PBX3: variants seen among roughly 807,000 people sequenced by gnomAD.
The protein encoded by PBX3 is PBX homeobox 3.
Under a neutral mutation model 48.5 loss-of-function variants are expected in PBX3, and 14 were observed. The observed-to-expected ratio is 0.29, with a 90% CI of 0.19 to 0.45. The LOEUF (loss-of-function observed/expected upper bound fraction) is 0.45. Ranked by LOEUF, PBX3 falls within the 20% of genes least tolerant of loss-of-function variation. The probability of loss-of-function intolerance (pLI) is 1.00; values close to 1 mark genes in which losing one functional copy is unlikely to be tolerated. For synonymous variants in PBX3, 210 were observed against 200.3 expected (o/e 1.05, Z -0.41); for missense variants, 386 against 546.7 (o/e 0.71, Z 2.93).
At chr9:125,831,027 C>G (rs536254129) in intron 2 of PBX3, among the ~76,000 whole-genome samples, 59 of 152,288 alleles carry the variant, frequency 3.9e-4, no homozygotes, top group African/African-American at 1.3e-3. Context: ...TCCTGCCCCC[C>G]ACCTGTCCTT....
At chr9:125,750,597 C>T (rs1480999422) in intron 2 of PBX3, among the ~76,000 whole-genome samples, 1 of 152,190 alleles carries the variant, frequency 6.6e-6, no homozygotes, top group East Asian at 1.9e-4. Flanking sequence ...ATTTAAAAAC[C>T]AAGAGGCAGC....
chr9:125,851,857 A>C (rs1259170584), intron 2 of PBX3, among the ~76,000 whole-genome samples: 1 of 148,620 alleles, frequency 6.7e-6, no homozygotes, highest in Non-Finnish European at 1.5e-5. Flanking sequence ...GAGAATTCAA[A>C]AAATTTTTGC....
At chr9:125,950,070 T>G (rs1182801391) in intron 5 of PBX3, among the ~76,000 whole-genome samples, 1 of 152,148 alleles carries the variant, frequency 6.6e-6, no homozygotes, top group Non-Finnish European at 1.5e-5. Flanking sequence ...AAAAATAATT[T>G]TAAAGAAAAA....
intron 3 of PBX3, among the ~76,000 whole-genome samples, chr9:125,916,438 A>G (rs760067354): frequency 1.1e-4 from 16 of 151,894 alleles, no homozygotes; most frequent in Non-Finnish European, 1.9e-4. Context: ...TGAGTATGAG[A>G]CCTCCCAAGA....
At chr9:125,763,680 A>G (rs1836728773) in intron 2 of PBX3, among the ~76,000 whole-genome samples, 1 of 152,214 alleles carries the variant, frequency 6.6e-6, no homozygotes, top group African/African-American at 2.4e-5. Context: ...GATGTTTGGG[A>G]TGACAGAAAT....
rs79223975 is a variant in PBX3, at chr9:125,801,089, G to A, written c.274+52466G>A. 5.9e-5 allele frequency among the ~76,000 whole-genome samples: 9 copies of A among 152,190 alleles called. No individual in the cohort carries two copies. In the East Asian group the frequency reaches 9.6e-4, roughly 16 times the overall value. On this transcript the variant is annotated intron_variant, in intron 2 of 8. Coordinates refer to ENST00000373489, the MANE Select transcript of PBX3 (RefSeq NM_006195.6). ...TATTTGAAGTTATTCTGTATCTCCA[G>A]TGTTGGCATATGCTAGACATTCAAT...
At chr9:125,753,644 AT>A (rs1328349470) in intron 2 of PBX3, among the ~76,000 whole-genome samples, 2 of 151,892 alleles carry the variant, frequency 1.3e-5, no homozygotes, top group Non-Finnish European at 2.9e-5. Context: ...CCCTCATTTT[AT>A]TACAGATTTG....
At chr9:125,889,517 TTGA>T (rs1439884097) in intron 2 of PBX3, among the ~76,000 whole-genome samples, 4 of 152,232 alleles carry the variant, frequency 2.6e-5, no homozygotes, top group Non-Finnish European at 5.9e-5. Context: ...CTCAGTCACC[TTGA>T]TGAAACAATC....
intron 2 of PBX3, among the ~76,000 whole-genome samples, chr9:125,882,054 TAATAA>T (rs2132353421): frequency 1.3e-5 from 2 of 151,478 alleles, no homozygotes; most frequent in South Asian, 2.1e-4. Flanking sequence ...AATAAATAAA[TAATAA>T]AATAAAAATA....
chr9:125,799,941 C>T (rs1837889676), intron 2 of PBX3, among the ~76,000 whole-genome samples: 1 of 152,036 alleles, frequency 6.6e-6, no homozygotes. Flanking sequence ...TCTTGATTTC[C>T]TCTTGGGAGG....
intron 3 of PBX3, among the ~76,000 whole-genome samples, chr9:125,918,418 A>G (rs1462487933): frequency 6.6e-6 from 1 of 152,126 alleles, no homozygotes; most frequent in African/African-American, 2.4e-5. Flanking sequence ...ATATACATGT[A>G]TATGCATGTT....
At chr9:125,925,125 A>G (rs1455553594) in intron 3 of PBX3, among the ~76,000 whole-genome samples, 1 of 152,252 alleles carries the variant, frequency 6.6e-6, no homozygotes, top group Non-Finnish European at 1.5e-5. Context: ...TGAATAATTG[A>G]TATTGCTTCA....
At chr9:125,874,207 A>G (rs1332154178) in intron 2 of PBX3, among the ~76,000 whole-genome samples, 2 of 151,942 alleles carry the variant, frequency 1.3e-5, no homozygotes, top group African/African-American at 4.9e-5. Flanking sequence ...AGTTTAAAAT[A>G]TTGCCATAAA....
chr9:125,893,434 G>A (rs1164547280), intron 2 of PBX3, among the ~76,000 whole-genome samples: 2 of 152,162 alleles, frequency 1.3e-5, no homozygotes, highest in Non-Finnish European at 2.9e-5. Flanking sequence ...ACTCTTTGGA[G>A]TACTACTGGG....
rs981075587 is a variant in PBX3 at position 125,781,572 on chromosome 9, G to C, written c.274+32949G>C. 0.012 allele frequency among the ~76,000 whole-genome samples: 1,736 copies of C among 146,596 alleles called. 76 individuals carry two copies. In the East Asian group the frequency reaches 0.12, roughly 10 times the overall value. ...GAGGGGAGAGGGGAGAGGCGAGAGG[G>C]GAGAGGGGAGAGGCGAGAGGCGAGA... On this transcript the variant is annotated intron_variant, in intron 2 of 8. Transcript: ENST00000373489.
At chr9:125,776,283 T>C (rs1056696721) in intron 2 of PBX3, among the ~76,000 whole-genome samples, 2 of 152,226 alleles carry the variant, frequency 1.3e-5, no homozygotes, top group African/African-American at 4.8e-5. Context: ...TCTAGTTTTC[T>C]GAGTGTTTTT....
intron 5 of PBX3, among the ~76,000 whole-genome samples, chr9:125,954,894 G>A (rs1287750634): frequency 6.6e-6 from 1 of 151,956 alleles, no homozygotes; most frequent in African/African-American, 2.4e-5. Context: ...ATATTTGGTT[G>A]GATACATTTT....
intron 2 of PBX3, among the ~76,000 whole-genome samples, chr9:125,908,507 T>C (rs1371277116): frequency 6.6e-6 from 1 of 152,020 alleles, no homozygotes; most frequent in Non-Finnish European, 1.5e-5. Context: ...AATATGAGTA[T>C]TAATAATAGA....
At chr9:125,857,571 A>C (rs1839755361) in intron 2 of PBX3, among the ~76,000 whole-genome samples, 1 of 152,178 alleles carries the variant, frequency 6.6e-6, no homozygotes, top group Non-Finnish European at 1.5e-5. Context: ...TTTAGACTTC[A>C]AAAACATTTC....
Sources: allele counts gnomAD v4.1 joint callset (sites outside exome capture counted in the v4.1 genomes callset), GRCh38; gene constraint gnomAD v4.1.1; transcripts MANE v1.5; gene names NCBI Gene and HGNC (gene_info 2026-07-23, HGNC 2026-07-21).